The following RPF2 variants were observed in gnomAD, a reference collection of about 807,000 sequenced individuals.
RPF2 encodes the protein ribosome production factor 2 homolog, also known as brix domain containing 1.
A neutral mutation model predicts 38.9 loss-of-function variants in RPF2; 21 were observed. The observed-to-expected ratio is 0.54, with a 90% CI of 0.38 to 0.78. The LOEUF is 0.78. Ranked by LOEUF, RPF2 falls within the 30% of genes least tolerant of loss-of-function variation. RPF2 has a pLI of 0.00. For missense variants in RPF2, 314 were observed against 358.1 expected (o/e 0.88, Z 0.99); for synonymous variants, 121 against 126.2 (o/e 0.96, Z 0.28).
chr6:110,986,816 G>A (rs1771533052), intron 2 of RPF2, among the ~76,000 whole-genome samples: 1 of 151,912 alleles, frequency 6.6e-6, no homozygotes, highest in Admixed American at 6.6e-5. Context: ...GCCAGCCATG[G>A]TGGTGGGCGC....
At chr6:110,993,595 C>A (rs544633853) in intron 4 of RPF2, among the ~76,000 whole-genome samples, 97 of 152,252 alleles carry the variant, frequency 6.4e-4, no homozygotes, top group Non-Finnish European at 1.1e-3. Context: ...CTTTTAGTTG[C>A]ATGACCACTT....
Position 111,008,085 on chromosome 6 carries a change from C to T in RPF2, c.441C>T (p.Gly147=), listed in dbSNP as rs113376369. Residue 147 remains glycine (G), a synonymous_variant, in exon 7 of 10, where the codon GGC becomes GGT. Coordinates refer to ENST00000441448, the MANE Select transcript of RPF2 (RefSeq NM_032194.3). ...CAAAACCCATGCTGATATTTGCTGG[C>T]GATGATTTCGATGTAACAGAAGATT... ...EGTKPMLIFA[G]DDFDVTEDYR... is the part of the protein sequence containing the mutation. The T allele has an allele frequency of 6.0e-5, 96 of 1,594,160 alleles. 2 individuals are homozygous for T. The highest frequency in any genetic ancestry group is 1.8e-4 in the South Asian group (16 of 88,536).
intron 8 of RPF2, among the ~76,000 whole-genome samples, chr6:111,017,839 C>G (rs1772156062): frequency 6.6e-6 from 1 of 151,810 alleles, no homozygotes; most frequent in Non-Finnish European, 1.5e-5. Context: ...GCAATCTTGG[C>G]ACTTTGGGAG....
chr6:110,986,106 ATTGATGCAT>A (rs932997137), intron 2 of RPF2, among the ~76,000 whole-genome samples: 3 of 152,164 alleles, frequency 2.0e-5, no homozygotes, highest in African/African-American at 7.2e-5. Context: ...ATGAAGGAGC[ATTGATGCAT>A]TTGGAGAACT....
chr6:110,987,518 C>T (rs187245056), intron 2 of RPF2, among the ~76,000 whole-genome samples: 37 of 152,214 alleles, frequency 2.4e-4, no homozygotes, highest in African/African-American at 8.9e-4. Flanking sequence ...TCCATCAGCA[C>T]AATGACCCTG....
intron 6 of RPF2, among the ~76,000 whole-genome samples, chr6:111,007,701 T>C (rs151116315): frequency 1.3e-3 from 200 of 152,258 alleles, no homozygotes; most frequent in Non-Finnish European, 2.2e-3. Flanking sequence ...TCCCAGCACT[T>C]TGGGAGGCTG....
Position 110,982,134 on chromosome 6 carries a change from G to A in RPF2, c.23+5G>A, listed in dbSNP as rs946066173. 1.9e-6 allele frequency: 3 copies of A among 1,614,090 alleles called. No homozygotes were observed. The highest frequency in any genetic ancestry group is 1.7e-5 in the Admixed American group (1 of 60,012). On this transcript the variant is annotated splice_donor_5th_base_variant and intron_variant, in intron 1 of 9. Transcript: ENST00000441448. ...GGACACTCTGGATCGAGTAGTGTAA[G>A]TGCGCTGGGTCTCAGCCCCGGGGAG...
chr6:110,983,340 A>C (rs760587797), intron 1 of RPF2, among the ~76,000 whole-genome samples: 22 of 145,358 alleles, frequency 1.5e-4, no homozygotes, highest in Non-Finnish European at 2.7e-4. Flanking sequence ...TTTTAAATCT[A>C]GCTTTAAAAA....
chr6:111,025,579 T>TG lies in RPF2; in HGVS notation c.918_919insG (p.Ter307ValfsTer29). The TG allele has an allele frequency of 6.2e-7, 1 of 1,602,728 alleles. No individual in the cohort carries two copies. The highest frequency in any genetic ancestry group is 8.5e-7 in the Non-Finnish European group (1 of 1,176,232). ...AAAAGTCAAAAAGAATTAAAAAAAA[T>TG]TGATGGAACTTAGCCAGCCACTACT... On this transcript the variant is annotated frameshift_variant, in exon 10 of 10. Coordinates refer to ENST00000441448, the MANE Select transcript of RPF2 (RefSeq NM_032194.3). LOFTEE classifies it high-confidence loss of function.
In RPF2 at chr6:110,982,868, G is replaced by A. The variant is rs117868258; in HGVS notation, c.23+739G>A. Among the ~76,000 whole-genome samples the A allele has an allele frequency of 8.3e-4, 127 of 152,294 alleles. No individual in the cohort carries two copies. In the East Asian group the frequency reaches 0.015, roughly 18 times the overall value. On this transcript the variant is annotated intron_variant, in intron 1 of 9. Coordinates refer to ENST00000441448, the MANE Select transcript of RPF2 (RefSeq NM_032194.3). ...TGGACTACAAAGAGTAGTTTACTAG[G>A]TATTGGGACTAGTTCACACGTTAAT...
At chr6:111,017,124 C>G (rs907164806) in intron 8 of RPF2, among the ~76,000 whole-genome samples, 41 of 152,364 alleles carry the variant, frequency 2.7e-4, no homozygotes, top group African/African-American at 8.9e-4. Flanking sequence ...TCTATCTTTT[C>G]CCCACATTTC....
intron 6 of RPF2, among the ~76,000 whole-genome samples, chr6:111,004,173 ATTTTAT>A (rs1199790038): frequency 6.6e-5 from 10 of 151,248 alleles, no homozygotes; most frequent in African/African-American, 2.2e-4. Context: ...TGTGACTAGC[ATTTTAT>A]TTTTATTTTT....
intron 6 of RPF2, among the ~76,000 whole-genome samples, chr6:111,006,408 C>A (rs952322936): frequency 1.2e-4 from 18 of 149,964 alleles, no homozygotes; most frequent in African/African-American, 3.7e-4. Context: ...CTAATTTTTT[C>A]TATTTTTAGT....
At position 111,027,239 on chromosome 6, in the gene RPF2, G is replaced by A. The variant is rs927331375; in HGVS notation, c.*1657G>A. 6.6e-5 allele frequency: 10 copies of A among 152,184 alleles called. No individual in the cohort carries two copies. The highest frequency in any genetic ancestry group is 3.3e-4 in the Admixed American group (5 of 15,288). The allele number at this position is 152,184 out of a possible 1,614,324, so 9.4% of individuals were successfully genotyped here. A position where few individuals can be genotyped will look rare whatever the true frequency, so the allele number is the denominator to read the frequency against. ...TCCTTAGCTTTCCCTAGTCCTCTCC[G>A]GATAGCTGTTACTCTCCTCTTGCCA... is the stretch of plus-strand genomic sequence containing the variant. On this transcript the variant is annotated 3_prime_UTR_variant, in exon 10 of 10. Transcript: ENST00000441448.
chr6:111,026,473 A>G lies in RPF2; in HGVS notation c.*891A>G, dbSNP rs1772329630. The G allele has an allele frequency of 6.6e-6, 1 of 152,300 alleles. No individual in the cohort carries two copies. Among genetic ancestry groups the G allele is most frequent in the South Asian group, 2.1e-4 (1 of 4,834 alleles). The allele number at this position is 152,300 out of a possible 1,614,324, so 9.4% of individuals were successfully genotyped here. ...CACTTCACCTTCCTGAGCAGCCGGA[A>G]CTACAGATGTTGGTCCACTGCACCT... On this transcript the variant is annotated 3_prime_UTR_variant, in exon 10 of 10. Transcript: ENST00000441448.
intron 4 of RPF2, among the ~76,000 whole-genome samples, chr6:110,992,318 A>G (rs1213370523): frequency 6.6e-6 from 1 of 152,216 alleles, no homozygotes; most frequent in Admixed American, 6.5e-5. Context: ...CTCAAAAAAA[A>G]AAATATTTAA....
intron 2 of RPF2, among the ~76,000 whole-genome samples, chr6:110,986,567 T>C (rs1183164304): frequency 6.6e-6 from 1 of 152,130 alleles, no homozygotes; most frequent in Non-Finnish European, 1.5e-5. Flanking sequence ...GTAATGAAAA[T>C]AAAAGCTTTG....
chr6:110,984,790 A>G (rs999603310), intron 1 of RPF2, among the ~76,000 whole-genome samples: 5 of 152,106 alleles, frequency 3.3e-5, no homozygotes, highest in Admixed American at 3.3e-4. Context: ...CAGTGAGCCA[A>G]GATTGTGCCA....
intron 3 of RPF2, among the ~76,000 whole-genome samples, chr6:110,989,410 C>T (rs942934126): frequency 6.6e-6 from 1 of 152,172 alleles, no homozygotes; most frequent in East Asian, 1.9e-4. Flanking sequence ...CACCGATTCA[C>T]TCATGTTAAT....
Sources: gnomAD v4.1 joint callset for allele counts (sites outside exome capture counted in the v4.1 genomes callset) on GRCh38, gnomAD v4.1.1 for gene constraint, MANE v1.5 for transcripts, NCBI Gene and HGNC (gene_info 2026-07-23, HGNC 2026-07-21) for gene names.